Variants in C10orf90 observed in about 807,000 individuals in gnomAD.
C10orf90 encodes chromosome 10 open reading frame 90, also known as (E2-independent) E3 ubiquitin-conjugating enzyme FATS.
C10orf90 carries 56 observed loss-of-function variants against 62.5 expected under a neutral mutation model. That is an observed-to-expected ratio of 0.90 (90% CI 0.72 to 1.12). C10orf90 has a LOEUF of 1.12. Ranked by LOEUF, C10orf90 falls within the 50% of genes most tolerant of loss-of-function variation. The pLI is 0.00. For synonymous variants in C10orf90, 386 were observed against 340.4 expected (o/e 1.13, Z -1.47); for missense variants, 970 against 880.4 (o/e 1.10, Z -1.29).
intron 1 of C10orf90, among the ~76,000 whole-genome samples, chr10:126,665,047 C>T (rs936790763): frequency 7.2e-5 from 11 of 152,184 alleles, no homozygotes; most frequent in Admixed American, 2.6e-4. Flanking sequence ...CTAGGAGGAG[C>T]CCCAGCACCC....
intron 2 of C10orf90, among the ~76,000 whole-genome samples, chr10:126,534,506 A>G (rs761696716): frequency 2.0e-5 from 3 of 152,176 alleles, no homozygotes; most frequent in Admixed American, 6.5e-5. Flanking sequence ...AGGCTCCTGC[A>G]GTGTTTGGGT....
intron 7 of C10orf90, among the ~76,000 whole-genome samples, chr10:126,431,067 A>G (rs751712628): frequency 1.3e-5 from 2 of 152,222 alleles, no homozygotes; most frequent in Admixed American, 6.5e-5. Context: ...AACTTCAAAG[A>G]CAAGATTGAA....
In C10orf90 at chr10:126,541,498, A is replaced by G. The variant is rs559496146; in HGVS notation, c.314-27559T>C. Among the ~76,000 whole-genome samples the G allele has an allele frequency of 7.9e-5, 12 of 152,352 alleles. No homozygotes were observed. In the South Asian group the frequency reaches 2.5e-3, roughly 32 times the overall value. The stretch of plus-strand genomic sequence containing the variant: ...ACATATCAAGGACTCTTATAACTCA[A>G]CAACAAAAGACAAGCAATCCAATTT... On this transcript the variant is annotated intron_variant, in intron 2 of 9. Coordinates refer to ENST00000488181, the MANE Select transcript of C10orf90 (RefSeq NM_001350921.2).
Position 126,659,618 on chromosome 10 carries a change from T to C in C10orf90, c.240+10623A>G, listed in dbSNP as rs368196469. On this transcript the variant is annotated intron_variant, in intron 1 of 9. Transcript: ENST00000488181. ...TTCTAGATGGAGAAGAGATATAAAT[T>C]AGACTCACAGAGAGGAAATTAAATA... is the stretch of plus-strand genomic sequence containing the variant. Among the ~76,000 whole-genome samples the C allele has an allele frequency of 3.3e-5, 5 of 152,350 alleles. No individual in the cohort carries two copies. In the South Asian group the frequency reaches 6.2e-4, roughly 19 times the overall value.
intron 2 of C10orf90, among the ~76,000 whole-genome samples, chr10:126,558,517 C>A (rs1331901587): frequency 6.6e-6 from 1 of 152,186 alleles, no homozygotes; most frequent in African/African-American, 2.4e-5. Context: ...CAATGGTTTC[C>A]TCTGAGTATG....
At chr10:126,657,605 T>C (rs994167909) in intron 1 of C10orf90, among the ~76,000 whole-genome samples, 1 of 150,314 alleles carries the variant, frequency 6.7e-6, no homozygotes, top group African/African-American at 2.4e-5. Flanking sequence ...TTTAATACTT[T>C]GTCTTTTTTT....
intron 7 of C10orf90, among the ~76,000 whole-genome samples, chr10:126,458,171 T>G (rs1020286571): frequency 6.6e-6 from 1 of 152,140 alleles, no homozygotes; most frequent in Non-Finnish European, 1.5e-5. Context: ...CAGAATAAGA[T>G]CTTGGTAATG....
intron 4 of C10orf90, among the ~76,000 whole-genome samples, chr10:126,487,142 CAAAAAAAAAAAAAA>C (rs1158481155): frequency 1.7e-4 from 5 of 29,456 alleles, no homozygotes; most frequent in East Asian, 2.5e-3. Flanking sequence ...AAAACTCTGT[CAAAAAAAAAAAAAA>C]AAAAAAAAAA....
At chr10:126,649,022 C>CTCTCTG (rs1263827217) in intron 1 of C10orf90, among the ~76,000 whole-genome samples, 1,881 of 80,268 alleles carry the variant, frequency 0.023, 30 homozygotes, top group Middle Eastern at 0.051. Context: ...ATCTCTCTCT[C>CTCTCTG]TCTCTGTCTC....
intron 1 of C10orf90, among the ~76,000 whole-genome samples, chr10:126,648,064 T>C (rs1274224271): frequency 1.3e-5 from 2 of 152,164 alleles, no homozygotes; most frequent in African/African-American, 4.8e-5. Flanking sequence ...TGGGAGGTGT[T>C]TAAGTCATGA....
chr10:126,504,182 G>A lies in C10orf90; in HGVS notation c.1309C>T (p.Gln437Ter). ...LVGQRWNPGL[Q>*]ESHLKETPSL... ...GGGGTTTCCTTCAAGTGACTTTCTT[G>A]TAAACCTGGGTTCCAGCGCTGGCCT... Residue 437 changes from glutamine to a stop codon, truncating the protein, a stop_gained, in exon 4 of 10, where the codon CAA becomes TAA. Coordinates refer to ENST00000488181, the MANE Select transcript of C10orf90 (RefSeq NM_001350921.2). LOFTEE classifies it high-confidence loss of function. This position sits in a 1 kb window ranked among gnomAD's most constrained non-coding sequence, Gnocchi z 4.1. 6.2e-7 allele frequency: 1 copy of A among 1,614,126 alleles called. No homozygotes were observed.
intron 2 of C10orf90, among the ~76,000 whole-genome samples, chr10:126,517,510 G>GAACT (rs1863499638): frequency 6.6e-6 from 1 of 152,114 alleles, no homozygotes; most frequent in South Asian, 2.1e-4. Context: ...CTTTGCTGGG[G>GAACT]AACTGCCCCA....
At chr10:126,562,980 A>C (rs1436669521) in intron 2 of C10orf90, among the ~76,000 whole-genome samples, 1 of 152,198 alleles carries the variant, frequency 6.6e-6, no homozygotes, top group Non-Finnish European at 1.5e-5. Context: ...GGCTGGGCGG[A>C]GGGACCCACG....
At chr10:126,588,149 G>A (rs1276628764) in intron 2 of C10orf90, among the ~76,000 whole-genome samples, 1 of 152,182 alleles carries the variant, frequency 6.6e-6, no homozygotes, top group African/African-American at 2.4e-5. Context: ...GGCTGTTCTA[G>A]CCTGCCGGCT....
chr10:126,434,494 A>G (rs899342815), intron 7 of C10orf90, among the ~76,000 whole-genome samples: 2 of 152,160 alleles, frequency 1.3e-5, no homozygotes, highest in Non-Finnish European at 2.9e-5. Context: ...CCAGAAGCCT[A>G]TTTTCTGAAG....
intron 7 of C10orf90, among the ~76,000 whole-genome samples, chr10:126,445,288 C>A (rs1164956537): frequency 1.3e-5 from 2 of 152,042 alleles, no homozygotes; most frequent in Non-Finnish European, 2.9e-5. Flanking sequence ...GGACAAATAT[C>A]CAGAATCTAC....
Position 126,626,804 on chromosome 10 carries a change from A to C in C10orf90, c.313+19761T>G, listed in dbSNP as rs558860667. On this transcript the variant is annotated intron_variant, in intron 2 of 9. Coordinates refer to ENST00000488181, the MANE Select transcript of C10orf90 (RefSeq NM_001350921.2). ...TGCTTCACCAGGAGCATTCACCTTGATTTTTAAGTGAAGGTGTAACTTTCT... is the reference window on the plus strand; with the variant it reads ...TGCTTCACCAGGAGCATTCACCTTGCTTTTTAAGTGAAGGTGTAACTTTCT... 2.6e-5 allele frequency among the ~76,000 whole-genome samples: 4 copies of C among 152,234 alleles called. No individual in the cohort carries two copies. In the East Asian group the frequency reaches 7.7e-4, roughly 29 times the overall value.
intron 4 of C10orf90, among the ~76,000 whole-genome samples, chr10:126,473,983 G>A (rs540676739): frequency 2.6e-4 from 40 of 152,272 alleles, no homozygotes; most frequent in Non-Finnish European, 5.1e-4. Context: ...ACAAAAGCAA[G>A]CAGATTTTGG....
intron 4 of C10orf90, among the ~76,000 whole-genome samples, chr10:126,476,851 C>T (rs1276094230): frequency 1.3e-5 from 2 of 151,442 alleles, no homozygotes; most frequent in African/African-American, 4.9e-5. Flanking sequence ...AAAGCACTTC[C>T]TTTACACCCT....
Sources: gnomAD v4.1 joint callset for allele counts (sites outside exome capture counted in the v4.1 genomes callset) on GRCh38, gnomAD v4.1.1 for gene constraint, Gnocchi (gnomAD v3.1) non-coding constraint, MANE v1.5 for transcripts, NCBI Gene and HGNC (gene_info 2026-07-23, HGNC 2026-07-21) for gene names.